SIK3: variants seen among roughly 807,000 people sequenced by gnomAD.
SIK3 encodes serine/threonine-protein kinase SIK3.
In SIK3, 28 loss-of-function variants were observed where a neutral mutation model predicts 144.2. The observed-to-expected ratio is 0.19, with a 90% CI of 0.14 to 0.27. The LOEUF (loss-of-function observed/expected upper bound fraction) is 0.27, where lower values mean the gene tolerates loss of function less well. Ranked by LOEUF, SIK3 falls within the 10% of genes least tolerant of loss-of-function variation. The pLI, the probability that SIK3 is intolerant of heterozygous loss-of-function variation, is 1.00. For synonymous variants in SIK3, 686 were observed against 676.3 expected, an observed-to-expected ratio of 1.01 and a Z score of -0.22; for missense variants, 1,319 against 1,776.0, an observed-to-expected ratio of 0.74 and a Z score of 4.62.
At chr11:117,041,357 C>T (rs1204467675) in intron 1 of SIK3, among the ~76,000 whole-genome samples, 2 of 152,138 alleles carry the variant, frequency 1.3e-5, no homozygotes, top group East Asian at 3.9e-4. Context: ...CTACATGCCC[C>T]ACCCTCATCT....
chr11:117,012,946 G>C (rs565733487), intron 1 of SIK3, among the ~76,000 whole-genome samples: 2 of 145,230 alleles, frequency 1.4e-5, no homozygotes, highest in East Asian at 4.1e-4. Flanking sequence ...CTGCCTCCCG[G>C]GTTCACACCA....
At chr11:116,997,903 A>G (rs539922788) in intron 1 of SIK3, among the ~76,000 whole-genome samples, 16 of 152,198 alleles carry the variant, frequency 1.1e-4, no homozygotes, top group Non-Finnish European at 1.6e-4. Context: ...TTTGTCACCC[A>G]GACTGCAGTG....
At chr11:116,955,306 T>G (rs1417254035) in intron 2 of SIK3, among the ~76,000 whole-genome samples, 5 of 152,020 alleles carry the variant, frequency 3.3e-5, no homozygotes, top group African/African-American at 1.2e-4. Context: ...GCTGAGGCAG[T>G]AGAATCACTT....
chr11:116,993,436 C>CA (rs11375002), intron 1 of SIK3, among the ~76,000 whole-genome samples: 130,355 of 152,146 alleles, frequency 0.86, 56,502 homozygotes, highest in African/African-American at 0.91. Context: ...AGAAAACCAA[C>CA]CTAGAAACAA....
intron 1 of SIK3, among the ~76,000 whole-genome samples, chr11:116,997,199 T>C (rs1368831165): frequency 1.3e-5 from 2 of 152,210 alleles, no homozygotes; most frequent in South Asian, 2.1e-4. Context: ...ACTTGACTCC[T>C]TGGCAACTAG....
rs575200820 is a variant in SIK3 at position 117,069,849 on chromosome 11, T to A, written c.273+28294A>T. On this transcript the variant is annotated intron_variant, in intron 1 of 24. Coordinates refer to ENST00000445177, the MANE Select transcript of SIK3 (RefSeq NM_001366686.3). ...ACATTCATTTACTACTCAGGAAGAG[T>A]TTTGATCTCTAACATCATAAAATGT... is the stretch of plus-strand genomic sequence containing the variant. 1.1e-4 allele frequency among the ~76,000 whole-genome samples: 17 copies of A among 152,268 alleles called. No homozygotes were observed. In the South Asian group the frequency reaches 3.5e-3, roughly 32 times the overall value.
chr11:116,856,196 CAAA>C (rs780021390), intron 21 of SIK3, among the ~76,000 whole-genome samples: 3 of 115,634 alleles, frequency 2.6e-5, no homozygotes, highest in African/African-American at 4.0e-5. Context: ...GACTCCGTCT[CAAA>C]AAAAAAAAAA....
At chr11:117,019,464 G>A (rs1001962204) in intron 1 of SIK3, among the ~76,000 whole-genome samples, 2 of 152,130 alleles carry the variant, frequency 1.3e-5, no homozygotes, top group African/African-American at 4.8e-5. Flanking sequence ...CTGACCTACT[G>A]GTTACAGTAA....
At chr11:116,890,188 T>C (rs891931252) in intron 6 of SIK3, among the ~76,000 whole-genome samples, 2 of 152,064 alleles carry the variant, frequency 1.3e-5, no homozygotes, top group Non-Finnish European at 2.9e-5. Flanking sequence ...GTAAGTGCTA[T>C]GAAGAAAAAG....
chr11:116,917,439 G>C (rs1946705159), intron 4 of SIK3, among the ~76,000 whole-genome samples: 1 of 152,170 alleles, frequency 6.6e-6, no homozygotes, highest in African/African-American at 2.4e-5. Context: ...GCTGGGCACA[G>C]TAGCTCATGC....
At chr11:116,900,063 A>G (rs1945652788) in intron 4 of SIK3, among the ~76,000 whole-genome samples, 1 of 152,124 alleles carries the variant, frequency 6.6e-6, no homozygotes, top group Non-Finnish European at 1.5e-5. Context: ...TGATATAAAT[A>G]CCCCAAATTT....
In SIK3 at chr11:116,896,496, C is replaced by T. The variant is rs566471720; in HGVS notation, c.742-120G>A. 3.7e-6 allele frequency: 4 copies of T among 1,089,588 alleles called. No individual in the cohort carries two copies. The South Asian group carries it at 6.6e-5, about 18-fold the overall frequency. The allele number at this position is 1,089,588 out of a possible 1,614,324, so 67.5% of individuals were successfully genotyped here. ...CATACGATTATGGAACAAACTTTTT[C>T]TTCCATCTTAGAACAGTTAACAATC... On this transcript the variant is annotated intron_variant, in intron 5 of 24. Coordinates refer to ENST00000445177, the MANE Select transcript of SIK3 (RefSeq NM_001366686.3).
At chr11:116,935,936 G>C (rs981377994) in intron 3 of SIK3, among the ~76,000 whole-genome samples, 1 of 152,032 alleles carries the variant, frequency 6.6e-6, no homozygotes, top group African/African-American at 2.4e-5. Flanking sequence ...CCAAACTCCT[G>C]TTTTCAAATG....
intron 15 of SIK3, chr11:116,864,861 A>T (rs1294381405): frequency 6.6e-6 from 1 of 152,276 alleles, no homozygotes; most frequent in Non-Finnish European, 1.5e-5. Flanking sequence ...GCGAGTTCAA[A>T]TACAATGCAG....
intron 11 of SIK3, 118 bp from the exon 12 acceptor site, chr11:116,874,174 T>C: frequency 1.9e-6 from 2 of 1,064,830 alleles, no homozygotes; most frequent in Non-Finnish European, 1.4e-6. Context: ...TCTTCCTGAA[T>C]TTATGTTTCT....
rs1943088963 is a variant in SIK3 at position 116,858,291 on chromosome 11, C to CTGT, written c.3173_3174insACA (p.Gln1061dup). On this transcript the variant is annotated inframe_insertion, in exon 21 of 25. Coordinates refer to ENST00000445177, the MANE Select transcript of SIK3 (RefSeq NM_001366686.3). The surrounding 1 kb of genome is among the most constrained non-coding windows in gnomAD (Gnocchi z 5.4). ...ACAGTTCCTGGTATTCTTGCTGTTGCTGCTGTTGCTGCTGCTGCTGCCGTT... is the reference window on the plus strand; with the variant it reads ...ACAGTTCCTGGTATTCTTGCTGTTGCTGTTGCTGTTGCTGCTGCTGCTGCCGTT... The CTGT allele has an allele frequency of 1.9e-6, 3 of 1,610,622 alleles. No homozygotes were observed. The African/African-American group carries it at 4.1e-5, about 22-fold the overall frequency.
chr11:117,028,068 TTAC>T, intron 1 of SIK3, among the ~76,000 whole-genome samples: 1 of 152,274 alleles, frequency 6.6e-6, no homozygotes, highest in African/African-American at 2.4e-5. Flanking sequence ...ACTTTTATTA[TTAC>T]TACTACTACT....
At chr11:117,044,864 C>T (rs1952890529) in intron 1 of SIK3, among the ~76,000 whole-genome samples, 1 of 152,134 alleles carries the variant, frequency 6.6e-6, no homozygotes, top group Non-Finnish European at 1.5e-5. Flanking sequence ...GCCTGGGCAA[C>T]AGAGCAAGAC....
intron 1 of SIK3, among the ~76,000 whole-genome samples, chr11:116,992,045 C>T (rs1021468535): frequency 4.2e-4 from 64 of 152,012 alleles, no homozygotes; most frequent in African/African-American, 1.4e-3. Context: ...AACTCGTGGC[C>T]GGGCATGGTG....
Sources: allele counts gnomAD v4.1 joint callset (sites outside exome capture counted in the v4.1 genomes callset), GRCh38; gene constraint gnomAD v4.1.1; non-coding constraint Gnocchi (gnomAD v3.1); transcripts MANE v1.5; gene names NCBI Gene and HGNC (gene_info 2026-07-23, HGNC 2026-07-21).